Variants in ARB2A observed in about 807,000 individuals in gnomAD.
ARB2A encodes the protein cotranscriptional regulator ARB2A.
the ARB2A span, among the ~76,000 whole-genome samples, chr5:94,040,058 T>C: frequency 2.6e-5 from 4 of 152,208 alleles, no homozygotes; most frequent in African/African-American, 7.2e-5. Context: ...GGACCAACTT[T>C]GGGTTAGAGG....
chr5:93,823,943 C>T, the ARB2A span, among the ~76,000 whole-genome samples: 2 of 151,834 alleles, frequency 1.3e-5, no homozygotes, highest in Non-Finnish European at 1.5e-5. Flanking sequence ...GACAGAGACT[C>T]TGTCTCAAAA....
At chr5:93,650,123 T>C in the ARB2A span, among the ~76,000 whole-genome samples, 2 of 150,640 alleles carry the variant, frequency 1.3e-5, no homozygotes, top group South Asian at 4.2e-4. Context: ...ATAATCCTAC[T>C]GTTCAGAAAT....
At chr5:93,930,041 T>C in the ARB2A span, among the ~76,000 whole-genome samples, 2 of 152,154 alleles carry the variant, frequency 1.3e-5, no homozygotes, top group East Asian at 1.9e-4. Flanking sequence ...ACTTTTTAAT[T>C]AGTCTCAAAT....
At chr5:93,856,892 T>G in the ARB2A span, among the ~76,000 whole-genome samples, 3 of 152,012 alleles carry the variant, frequency 2.0e-5, no homozygotes, top group Admixed American at 2.0e-4. Flanking sequence ...TCTGCTCTGT[T>G]TTTTCCCCAT....
At chr5:94,005,230 G>C in the ARB2A span, among the ~76,000 whole-genome samples, 1 of 152,016 alleles carries the variant, frequency 6.6e-6, no homozygotes, top group East Asian at 1.9e-4. Flanking sequence ...TTTGAAGACA[G>C]TCTCCCTCCA....
the ARB2A span, among the ~76,000 whole-genome samples, chr5:93,912,809 A>C: frequency 6.6e-6 from 1 of 151,838 alleles, no homozygotes; most frequent in Non-Finnish European, 1.5e-5. Context: ...TCCTTACTGA[A>C]CACAACATCT....
At chr5:93,846,583 A>T in the ARB2A span, among the ~76,000 whole-genome samples, 1 of 152,106 alleles carries the variant, frequency 6.6e-6, no homozygotes, top group African/African-American at 2.4e-5. Context: ...CATAATAAAT[A>T]TTTGATTTCT....
chr5:93,760,233 G>A, the ARB2A span, among the ~76,000 whole-genome samples: 30 of 152,240 alleles, frequency 2.0e-4, no homozygotes, highest in East Asian at 5.8e-4. Context: ...TCAAAACACC[G>A]CTGAAAGAAA....
At chr5:94,083,788 T>C in the ARB2A span, among the ~76,000 whole-genome samples, 5,002 of 147,522 alleles carry the variant, frequency 0.034, 116 homozygotes, top group Middle Eastern at 0.065. Flanking sequence ...TATAACTATC[T>C]AAAACAACAA....
the ARB2A span, among the ~76,000 whole-genome samples, chr5:93,913,188 T>C: frequency 6.6e-6 from 1 of 151,720 alleles, no homozygotes; most frequent in African/African-American, 2.4e-5. Flanking sequence ...CCTAAAAGGG[T>C]CCCATATGTA....
chr5:93,662,342 GGAGATAGT>G, the ARB2A span, among the ~76,000 whole-genome samples: 5 of 152,092 alleles, frequency 3.3e-5, no homozygotes, highest in Non-Finnish European at 7.4e-5. Context: ...AAACTAAAAA[GGAGATAGT>G]GTATTGAGTT....
the ARB2A span, among the ~76,000 whole-genome samples, chr5:94,103,387 A>G: frequency 6.6e-6 from 1 of 152,148 alleles, no homozygotes; most frequent in East Asian, 1.9e-4. Flanking sequence ...GACAAAACAG[A>G]CTTGAAAGCA....
chr5:93,727,064 G>A, the ARB2A span, among the ~76,000 whole-genome samples: 6 of 151,928 alleles, frequency 3.9e-5, no homozygotes, highest in African/African-American at 1.5e-4. Flanking sequence ...TGTTTTTCCT[G>A]GCATAATTAA....
chr5:93,831,204 C>T, the ARB2A span, among the ~76,000 whole-genome samples: 1 of 151,762 alleles, frequency 6.6e-6, no homozygotes, highest in East Asian at 1.9e-4. Context: ...CCATCTGTGA[C>T]CCGGGGTTTG....
At chr5:93,921,735 C>A in the ARB2A span, among the ~76,000 whole-genome samples, 14 of 152,160 alleles carry the variant, frequency 9.2e-5, no homozygotes, top group Non-Finnish European at 1.8e-4. Context: ...TATAAAGCTG[C>A]TAATCGTTGA....
At chr5:94,110,645 T>C in the ARB2A span, among the ~76,000 whole-genome samples, 4 of 152,264 alleles carry the variant, frequency 2.6e-5, no homozygotes, top group Non-Finnish European at 5.9e-5. Context: ...GTCCCTCGCA[T>C]TGTAGGATAA....
At chr5:93,636,495 T>C in the ARB2A span, among the ~76,000 whole-genome samples, 1 of 152,214 alleles carries the variant, frequency 6.6e-6, no homozygotes, top group Non-Finnish European at 1.5e-5. Context: ...ACCCGCCTTC[T>C]TCCCTGTGAA....
chr5:93,962,974 T>C, the ARB2A span, among the ~76,000 whole-genome samples: 1 of 152,058 alleles, frequency 6.6e-6, no homozygotes, highest in Non-Finnish European at 1.5e-5. Flanking sequence ...TTGTGATTTG[T>C]TCTAGAAATT....
the ARB2A span, among the ~76,000 whole-genome samples, chr5:93,718,628 A>G: frequency 1.3e-5 from 2 of 152,170 alleles, no homozygotes; most frequent in African/African-American, 4.8e-5. Context: ...TAAGGCCCTA[A>G]TATATAATTT....
Sources: gnomAD v4.1 joint callset for allele counts (sites outside exome capture counted in the v4.1 genomes callset) on GRCh38, gnomAD v4.1.1 for gene constraint, MANE v1.5 for transcripts, NCBI Gene and HGNC (gene_info 2026-07-23, HGNC 2026-07-21) for gene names.